FBXL18: variants seen among roughly 807,000 people sequenced by gnomAD.
The protein encoded by FBXL18 is F-box and leucine rich repeat protein 18, also known as F-box/LRR-repeat protein 18.
Under a neutral mutation model 46.0 loss-of-function variants are expected in FBXL18, and 36 were observed. The ratio of observed to expected loss-of-function variants is 0.78; its 90% CI spans 0.60 to 1.03. The LOEUF (loss-of-function observed/expected upper bound fraction) is 1.03. FBXL18 is among the 50% of genes least tolerant of loss of function. FBXL18 has a pLI of 0.00. For synonymous variants in FBXL18, 557 were observed against 465.3 expected (o/e 1.20, Z -2.54); for missense variants, 977 against 1,004.1 (o/e 0.97, Z 0.36).
chr7:5,461,860 G>A (rs1358039257), intron 4 of FBXL18, among the ~76,000 whole-genome samples: 1 of 152,126 alleles, frequency 6.6e-6, no homozygotes, highest in Admixed American at 6.6e-5. Flanking sequence ...AGAATCACTT[G>A]AGCTTGGGAG....
intron 1 of FBXL18, among the ~76,000 whole-genome samples, chr7:5,511,152 C>T (rs1784520662): frequency 6.6e-6 from 1 of 152,078 alleles, no homozygotes; most frequent in Non-Finnish European, 1.5e-5. Context: ...GATCTGAAAT[C>T]TTGGCTGGGC....
At chr7:5,463,704 A>ATATATATATATATATATATATAT (rs1562672177) in intron 4 of FBXL18, among the ~76,000 whole-genome samples, 1 of 43,986 alleles carries the variant, frequency 2.3e-5, no homozygotes, top group Non-Finnish European at 4.0e-5. Flanking sequence ...CTATATATAT[A>ATATATATATATATATATATATAT]TTTATTTATT....
rs1783532036 is a variant in FBXL18 at position 5,476,995 on chromosome 7, C to G, written c.*4780G>C. 1 of 152,028 alleles carries G rather than the reference C, an allele frequency of 6.6e-6. No individual in the cohort carries two copies. Among genetic ancestry groups the G allele is most frequent in the Non-Finnish European group, 1.5e-5 (1 of 68,064 alleles). 9.4% of individuals were successfully genotyped at this position (152,028 alleles called of 1,614,324 possible). ...CTCCGCCTCCCAGGTTCATGCCATT[C>G]TCCTGCCTCAGCCTCCTGAGTGGCT... is the stretch of plus-strand genomic sequence containing the variant. On this transcript the variant is annotated 3_prime_UTR_variant, in exon 5 of 5. Transcript: ENST00000382368.
rs1471706874 is a variant in FBXL18 at position 5,470,700 on chromosome 7, G to A, written c.2000+20531C>T. 2.2e-5 allele frequency among the ~76,000 whole-genome samples: 3 copies of A among 133,604 alleles called. 1 individual carries two copies. In the Admixed American group the frequency reaches 2.3e-4, roughly 10 times the overall value. The allele number at this position is 133,604 out of a possible 152,430, so 87.6% of individuals were successfully genotyped here. On this transcript the variant is annotated intron_variant and NMD_transcript_variant, in intron 4 of 6. Transcript: ENST00000415009. ...CCAGAGGCTGCCCCCTCCCCTTCCC[G>A]GGGGGGAGATGTCCCCTTCCCGGGG...
At chr7:5,494,566 A>G (rs1784023768) in intron 3 of FBXL18, among the ~76,000 whole-genome samples, 1 of 152,204 alleles carries the variant, frequency 6.6e-6, no homozygotes, top group Non-Finnish European at 1.5e-5. Flanking sequence ...TGTTTTCATT[A>G]CGTATATTTT....
chr7:5,485,894 A>G (rs190614026), intron 4 of FBXL18, among the ~76,000 whole-genome samples: 2 of 151,868 alleles, frequency 1.3e-5, no homozygotes, highest in African/African-American at 4.8e-5. Context: ...TCTCTACTAA[A>G]AAAAACACAA....
Position 5,481,820 on chromosome 7 carries a change from T to C in FBXL18, c.2112A>G (p.Leu704=). The C allele has an allele frequency of 6.2e-7, 1 of 1,613,678 alleles. No individual in the cohort carries two copies. The highest frequency in any genetic ancestry group is 8.5e-7 in the Non-Finnish European group (1 of 1,179,984). ...GTTCCTCGGCCACTCTGCTCTTAAA[T>C]AAGGTGATCTCATCCAGGTGCACCA... is the stretch of plus-strand genomic sequence containing the variant. ...VPLVHLDEIT[L]FKSRVAEEPP... Residue 704 remains leucine, a synonymous_variant, in exon 5 of 5, where the codon TTA becomes TTG. Coordinates refer to ENST00000382368, the MANE Select transcript of FBXL18 (RefSeq NM_024963.6).
At chr7:5,504,978 G>C (rs1195112454) in intron 2 of FBXL18, among the ~76,000 whole-genome samples, 1 of 129,674 alleles carries the variant, frequency 7.7e-6, no homozygotes, top group African/African-American at 2.9e-5. Flanking sequence ...AAAACTGACA[G>C]TACCAAGTGT....
intron 4 of FBXL18, among the ~76,000 whole-genome samples, chr7:5,464,002 G>A (rs1466969413): frequency 6.6e-6 from 1 of 151,644 alleles, no homozygotes; most frequent in African/African-American, 2.4e-5. Context: ...GCCTCCCAAC[G>A]TGCTGGGATT....
chr7:5,484,230 G>T (rs917114168), intron 4 of FBXL18, among the ~76,000 whole-genome samples: 1 of 152,164 alleles, frequency 6.6e-6, no homozygotes, highest in Non-Finnish European at 1.5e-5. Context: ...CACTTTGGGA[G>T]GCCAAGGCGG....
At position 5,481,900 on chromosome 7, in the gene FBXL18, C is replaced by T. The variant is rs766265655; in HGVS notation, c.2032G>A (p.Val678Ile). Residue 678 changes from valine (V) to isoleucine (I), a missense_variant, in exon 5 of 5, where the codon GTC becomes ATC. By Grantham distance (29) the Val-to-Ile change is conservative. Transcript: ENST00000382368. ...CCCTCGTGGAGCAGAGGGAAGATGA[C>T]GACGTTTAACGCGGGCCGCTCGGCC... Reference protein sequence around the residue: ...FQAERPALNVVIFPLLHEGLT... With the variant: ...FQAERPALNVIIFPLLHEGLT... The T allele has an allele frequency of 2.3e-5, 37 of 1,611,980 alleles. No individual in the cohort carries two copies. In the South Asian group the frequency reaches 2.3e-4, roughly 10 times the overall value.
At chr7:5,493,599 T>A (rs547506597) in intron 3 of FBXL18, among the ~76,000 whole-genome samples, 6 of 146,968 alleles carry the variant, frequency 4.1e-5, no homozygotes, top group South Asian at 2.1e-4. Flanking sequence ...CTGGCCAAAA[T>A]TTTTTTTTTA....
In FBXL18 at chr7:5,501,677, G is replaced by A; in HGVS notation, c.592C>T (p.Leu198=). 6.2e-7 allele frequency: 1 copy of A among 1,608,550 alleles called. No homozygotes were observed. ...CGGTCCAGAATCTCGAAGTAGAGCA[G>A]CAGCTTCTCTAGGCTGGTGCAGCAG... ...VPCCTSLEKL[L]LYFEILDRTR... is the part of the protein sequence containing the mutation. The change falls in exon 3 of 5, where the codon CTG becomes TTG. Residue 198 remains leucine, a synonymous_variant. Transcript: ENST00000382368.
At chr7:5,486,779 CA>C (rs1372712718) in intron 4 of FBXL18, among the ~76,000 whole-genome samples, 1 of 152,300 alleles carries the variant, frequency 6.6e-6, no homozygotes, top group East Asian at 1.9e-4. Flanking sequence ...AGCAACAGGT[CA>C]CCGGCGACAG....
rs146016223 is a variant in FBXL18 at position 5,484,859 on chromosome 7, G to A, written c.2001-2928C>T. 1.1e-4 allele frequency among the ~76,000 whole-genome samples: 17 copies of A among 151,876 alleles called. No homozygotes were observed. In the East Asian group the frequency reaches 1.5e-3, roughly 14 times the overall value. ...TCACCATGTTGACCAGGCTGGTCTC[G>A]AACTCCTGACCTCAAGTGATCCACC... On this transcript the variant is annotated intron_variant, in intron 4 of 4. Transcript: ENST00000382368.
Position 5,502,046 on chromosome 7 carries a change from C to A in FBXL18, c.238-15G>T, listed in dbSNP as rs771919767. Reference sequence around the variant, plus strand: ...TCCTCGCTCGCCTGCGGGACAGAGGCAGGGTGGGGAGAGGAAGGAAAGGGC... The same window carrying A: ...TCCTCGCTCGCCTGCGGGACAGAGGAAGGGTGGGGAGAGGAAGGAAAGGGC... On this transcript the variant is annotated splice_polypyrimidine_tract_variant and intron_variant, in intron 2 of 4. Coordinates refer to ENST00000382368, the MANE Select transcript of FBXL18 (RefSeq NM_024963.6). 7.1e-6 allele frequency: 11 copies of A among 1,550,592 alleles called. No homozygotes were observed. Among genetic ancestry groups the A allele is most frequent in the Non-Finnish European group, 9.6e-6 (11 of 1,145,376 alleles).
chr7:5,482,168 C>A (rs983806107), intron 4 of FBXL18, among the ~76,000 whole-genome samples: 1 of 152,200 alleles, frequency 6.6e-6, no homozygotes, highest in African/African-American at 2.4e-5. Flanking sequence ...TCTCTCCAGG[C>A]TCAGGGGGCA....
Position 5,501,716 on chromosome 7 carries a change from A to AG in FBXL18, c.552dup (p.Tyr185LeufsTer71). 1 of 1,585,584 alleles carries AG rather than the reference A, an allele frequency of 6.3e-7. No homozygotes were observed. The highest frequency in any genetic ancestry group is 8.6e-7 in the Non-Finnish European group (1 of 1,165,608). ...CTGGTGCAGCAGGGCACCACGCCGT[A>AG]GGAGGGAGTGAACAGCGTCTGCTTG... On this transcript the variant is annotated frameshift_variant, in exon 3 of 5. Coordinates refer to ENST00000382368, the MANE Select transcript of FBXL18 (RefSeq NM_024963.6). LOFTEE classifies it high-confidence loss of function.
chr7:5,489,189 C>A, intron 4 of FBXL18: 1 of 510,040 alleles, frequency 2.0e-6, no homozygotes, highest in Non-Finnish European at 3.9e-6. Flanking sequence ...AGAATAATCA[C>A]TTAGGGCTTT....
Sources: gnomAD v4.1 joint callset for allele counts (sites outside exome capture counted in the v4.1 genomes callset) on GRCh38, gnomAD v4.1.1 for gene constraint, MANE v1.5 for transcripts, NCBI Gene and HGNC (gene_info 2026-07-23, HGNC 2026-07-21) for gene names.